The following POGZ variants were observed in gnomAD, a reference collection of about 807,000 sequenced individuals.
POGZ encodes the protein pogo transposable element derived with ZNF domain.
In POGZ, 17 loss-of-function variants were observed where a neutral mutation model predicts 134.6. The observed-to-expected ratio is 0.13, with a 90% confidence interval of 0.09 to 0.19. POGZ has a LOEUF of 0.19. Ranked by LOEUF, POGZ falls within the 10% of genes least tolerant of loss-of-function variation. The pLI is 1.00. For synonymous variants in POGZ, 693 were observed against 657.1 expected, an observed-to-expected ratio of 1.05 and a Z score of -0.84; for missense variants, 1,306 against 1,769.7, an observed-to-expected ratio of 0.74 and a Z score of 4.70.
chr1:151,436,249 C>T (rs1180960582), intron 3 of POGZ, among the ~76,000 whole-genome samples: 2 of 152,148 alleles, frequency 1.3e-5, no homozygotes, highest in Non-Finnish European at 2.9e-5. Context: ...TGAGCCACCG[C>T]GCCTGGCCTA....
Position 151,403,444 on chromosome 1 carries a change from C to T in POGZ, c.*1358G>A. ...AAGCTTGTGCAGTTTGCCTCCTTGG[C>T]TCACAGGAGGGGAACATTGTGGAAA... is the stretch of plus-strand genomic sequence containing the variant. On this transcript the variant is annotated 3_prime_UTR_variant, in exon 19 of 19. Coordinates refer to ENST00000271715, the MANE Select transcript of POGZ (RefSeq NM_015100.4). 3 of 985,632 alleles carry T rather than the reference C, an allele frequency of 3.0e-6. No individual in the cohort carries two copies. The highest frequency in any genetic ancestry group is 3.6e-6 in the Non-Finnish European group (3 of 829,762). 61.1% of individuals were successfully genotyped at this position (985,632 alleles called of 1,614,324 possible). A position where few individuals can be genotyped will look rare whatever the true frequency, so the allele number is the denominator to read the frequency against.
chr1:151,403,553 T>TA lies in POGZ; in HGVS notation c.*1248dup. ...GTTTTGGTTTACAACCATGAGTACATACAATTAAAAAAATCCCTCATGCAA... is the reference window on the plus strand; with the variant it reads ...GTTTTGGTTTACAACCATGAGTACATAACAATTAAAAAAATCCCTCATGCAA... On this transcript the variant is annotated 3_prime_UTR_variant, in exon 19 of 19. Coordinates refer to ENST00000271715, the MANE Select transcript of POGZ (RefSeq NM_015100.4). 2 of 985,618 alleles carry TA rather than the reference T, an allele frequency of 2.0e-6. No individual in the cohort carries two copies. The highest frequency in any genetic ancestry group is 2.4e-6 in the Non-Finnish European group (2 of 829,694). The allele number at this position is 985,618 out of a possible 1,614,324, so 61.1% of individuals were successfully genotyped here.
chr1:151,411,620 A>G lies in POGZ; in HGVS notation c.1926+5T>C. 1.3e-6 allele frequency: 2 copies of G among 1,593,242 alleles called. No homozygotes were observed. Among genetic ancestry groups the G allele is most frequent in the South Asian group, 1.1e-5 (1 of 87,484 alleles). ...AGAATATGGGAATTGCTTGGTGCCT[A>G]GTACCTGGTGCCTCATGTAATGCTG... is the stretch of plus-strand genomic sequence containing the variant. On this transcript the variant is annotated splice_donor_5th_base_variant and intron_variant, in intron 12 of 18. Coordinates refer to ENST00000271715, the MANE Select transcript of POGZ (RefSeq NM_015100.4).
intron 3 of POGZ, among the ~76,000 whole-genome samples, chr1:151,440,186 C>CT (rs113952080): frequency 7.1e-4 from 102 of 144,250 alleles, no homozygotes; most frequent in Admixed American, 1.5e-3. Flanking sequence ...TTTTTTGTTC[C>CT]TTTTTTTTTT....
At chr1:151,451,054 A>C (rs1327363190) in intron 1 of POGZ, 1 of 147,456 alleles carries the variant, frequency 6.8e-6, no homozygotes, top group Non-Finnish European at 1.5e-5. Context: ...GTCTCTACTA[A>C]AAAAAAAAAA....
intron 1 of POGZ, among the ~76,000 whole-genome samples, chr1:151,453,088 A>T (rs1012391675): frequency 6.6e-6 from 1 of 151,646 alleles, no homozygotes; most frequent in Non-Finnish European, 1.5e-5. Context: ...ACGCCCAGCT[A>T]ATTTTTGTAT....
intron 10 of POGZ, among the ~76,000 whole-genome samples, chr1:151,421,899 CA>C (rs1328483947): frequency 1.3e-5 from 2 of 152,090 alleles, no homozygotes; most frequent in Non-Finnish European, 2.9e-5. Context: ...ATTACCTGCG[CA>C]CACCACCACA....
intron 10 of POGZ, among the ~76,000 whole-genome samples, chr1:151,414,084 A>C (rs1655197170): frequency 6.6e-6 from 1 of 152,248 alleles, no homozygotes; most frequent in Non-Finnish European, 1.5e-5. Flanking sequence ...ATAAATAAGA[A>C]ATTCTGCATA....
In POGZ at chr1:151,406,431, C is replaced by A; in HGVS notation, c.2604G>T (p.Arg868=). 6.4e-7 allele frequency: 1 copy of A among 1,552,920 alleles called. No individual in the cohort carries two copies. The highest frequency in any genetic ancestry group is 1.2e-5 in the South Asian group (1 of 80,122). ...GAGGAGGGTACATATTCTTCACGTTCCGGTCATGCACTCGGTCACGAGTCT... is the reference window on the plus strand; with the variant it reads ...GAGGAGGGTACATATTCTTCACGTTACGGTCATGCACTCGGTCACGAGTCT... The part of the protein sequence containing the change: ...HGQTRDRVHD[R]NVKNMYPPPS... Residue 868 remains arginine, a synonymous_variant, in exon 19 of 19, where the codon CGG becomes CGT. Coordinates refer to ENST00000271715, the MANE Select transcript of POGZ (RefSeq NM_015100.4).
intron 1 of POGZ, among the ~76,000 whole-genome samples, chr1:151,449,048 C>T (rs1182875432): frequency 6.6e-6 from 1 of 152,146 alleles, no homozygotes; most frequent in African/African-American, 2.4e-5. Context: ...GATTTAGATA[C>T]AGCAGAAAGC....
Position 151,440,932 on chromosome 1 carries a change from G to T in POGZ, c.279C>A (p.Asn93Lys), listed in dbSNP as rs982199654. ...TTTCCCAATAATCCCACTTACCATT[G>T]TTGTTGGCAATTAGTGTGACAAGAG... ...KKTLVTLIAN[N>K]NAGNPLVQQG... Residue 93 changes from asparagine to lysine, a missense_variant, in exon 3 of 19, where the codon AAC (asparagine) becomes AAA (lysine). By Grantham distance (94) the Asn-to-Lys change is moderately conservative. Around this residue, in one of 10 missense-constraint regions of POGZ, gnomAD observed 541 missense variants for 680.5 expected, o/e 0.80. Transcript: ENST00000271715. 5.6e-6 allele frequency: 9 copies of T among 1,612,628 alleles called. No homozygotes were observed. Among genetic ancestry groups the T allele is most frequent in the Non-Finnish European group, 7.6e-6 (9 of 1,178,906 alleles).
At chr1:151,434,472 C>T (rs1285884501) in intron 3 of POGZ, among the ~76,000 whole-genome samples, 2 of 152,128 alleles carry the variant, frequency 1.3e-5, no homozygotes, top group African/African-American at 4.8e-5. Context: ...CAAAGTGAGA[C>T]CCCATCTTGA....
intron 10 of POGZ, among the ~76,000 whole-genome samples, chr1:151,420,574 G>C (rs1160337453): frequency 6.6e-6 from 1 of 152,088 alleles, no homozygotes; most frequent in Non-Finnish European, 1.5e-5. Flanking sequence ...GCCTCTCAAA[G>C]TGCTGAGATT....
chr1:151,456,277 C>A (rs1427051433), intron 1 of POGZ, among the ~76,000 whole-genome samples: 1 of 152,154 alleles, frequency 6.6e-6, no homozygotes, highest in African/African-American at 2.4e-5. Flanking sequence ...CAGTCCTTAA[C>A]CACTGATATC....
rs923644968 is a variant in POGZ, at chr1:151,442,821, G to A, written c.-1-616C>T. On this transcript the variant is annotated intron_variant, in intron 1 of 18. Coordinates refer to ENST00000271715, the MANE Select transcript of POGZ (RefSeq NM_015100.4). ...TGAAGTGGGTGGATCACGAGGTCACGAGTTCAAGACCAGCCTGGCCAACAT... is the reference window on the plus strand; with the variant it reads ...TGAAGTGGGTGGATCACGAGGTCACAAGTTCAAGACCAGCCTGGCCAACAT... 2.6e-5 allele frequency among the ~76,000 whole-genome samples: 4 copies of A among 151,220 alleles called. No homozygotes were observed. In the East Asian group the frequency reaches 5.9e-4, roughly 22 times the overall value.
In POGZ at chr1:151,406,745, C is replaced by A. The variant is rs115508738; in HGVS notation, c.2546-114G>T. 1,355 of 1,063,240 alleles carry A rather than the reference C, an allele frequency of 1.3e-3. 14 individuals carry two copies. The African/African-American group carries it at 0.014, about 11-fold the overall frequency. The allele number at this position is 1,063,240 out of a possible 1,614,324, so 65.9% of individuals were successfully genotyped here. On this transcript the variant is annotated intron_variant, in intron 17 of 18. Coordinates refer to ENST00000271715, the MANE Select transcript of POGZ (RefSeq NM_015100.4). The stretch of plus-strand genomic sequence containing the variant: ...CAAATACGCTGTTCGCAGTGACCAG[C>A]TTTCCCAGTTTTATATAAACTTCAG...
At chr1:151,458,716 C>G (rs911754726) in intron 1 of POGZ, among the ~76,000 whole-genome samples, 13 of 145,706 alleles carry the variant, frequency 8.9e-5, no homozygotes, top group African/African-American at 1.2e-4. Flanking sequence ...CCCAGCGGGC[C>G]ACCGCCCGCG....
At position 151,403,970 on chromosome 1, in the gene POGZ, T is replaced by C; in HGVS notation, c.*832A>G. 1 of 985,422 alleles carries C rather than the reference T, an allele frequency of 1.0e-6. No homozygotes were observed. The highest frequency in any genetic ancestry group is 1.1e-4 in the East Asian group (1 of 8,824). The allele number at this position is 985,422 out of a possible 1,614,324, so 61.0% of individuals were successfully genotyped here. A position where few individuals can be genotyped will look rare whatever the true frequency, so the allele number is the denominator to read the frequency against. ...CTAATAACACCTGTATGATCCTTTGTCCAGAGGGATGGATGGTGTTGAGAA... is the reference window on the plus strand; with the variant it reads ...CTAATAACACCTGTATGATCCTTTGCCCAGAGGGATGGATGGTGTTGAGAA... On this transcript the variant is annotated 3_prime_UTR_variant, in exon 19 of 19. Transcript: ENST00000271715.
In POGZ at chr1:151,405,425, T is replaced by C; in HGVS notation, c.3610A>G (p.Ile1204Val). 1.2e-6 allele frequency: 2 copies of C among 1,614,200 alleles called. No homozygotes were observed. Among genetic ancestry groups the C allele is most frequent in the Non-Finnish European group, 1.7e-6 (2 of 1,180,008 alleles). ...AKESGYSDDE[I>V]MELWSTRVWQ... ...ACTCGAGTTGACCACAGCTCCATGA[T>C]CTCGTCATCACTGTAGCCACTCTCC... Residue 1204 changes from isoleucine (I) to valine (V), a missense_variant, in exon 19 of 19, where the codon ATC (isoleucine) becomes GTC (valine). This residue lies in a region of POGZ where 161 missense variants were observed against 185.4 expected (regional missense o/e 0.87). Transcript: ENST00000271715. This position sits in a 1 kb window ranked among gnomAD's most constrained non-coding sequence, Gnocchi z 4.9.
Sources: allele counts gnomAD v4.1 joint callset (sites outside exome capture counted in the v4.1 genomes callset), GRCh38; gene constraint gnomAD v4.1.1; regional missense constraint gnomAD v4.1.1; non-coding constraint Gnocchi (gnomAD v3.1); transcripts MANE v1.5; gene names NCBI Gene and HGNC (gene_info 2026-07-23, HGNC 2026-07-21).